The following UGCG variants were observed in gnomAD, a reference collection of about 807,000 sequenced individuals.
UGCG encodes ceramide glucosyltransferase.
UGCG carries 10 observed loss-of-function variants against 49.5 expected under a neutral mutation model. The observed-to-expected ratio is 0.20, with a 90% confidence interval of 0.12 to 0.34. UGCG has a LOEUF of 0.34. Among genes scored for constraint, UGCG ranks in the 10% least tolerant of loss-of-function variants. The pLI is 1.00. For synonymous variants in UGCG, 182 were observed against 158.2 expected (o/e 1.15, Z -1.13); for missense variants, 312 against 483.7 (o/e 0.65, Z 3.33).
intron 2 of UGCG, among the ~76,000 whole-genome samples, chr9:111,917,769 G>C (rs1838135194): frequency 6.6e-6 from 1 of 152,122 alleles, no homozygotes; most frequent in Admixed American, 6.5e-5. Flanking sequence ...CTTTTATACT[G>C]ATACTCATTC....
At chr9:111,926,054 C>G (rs564881823) in intron 4 of UGCG, among the ~76,000 whole-genome samples, 1 of 152,304 alleles carries the variant, frequency 6.6e-6, no homozygotes, top group Non-Finnish European at 1.5e-5. Flanking sequence ...TGCTCCTGAG[C>G]CTTTTCCACT....
intron 2 of UGCG, among the ~76,000 whole-genome samples, chr9:111,918,903 C>T (rs139773026): frequency 0.08 from 11,376 of 142,762 alleles, 826 homozygotes; most frequent in African/African-American, 0.2. Flanking sequence ...CCCGCCTGGG[C>T]GACAGAACGA....
chr9:111,927,109 G>A (rs1838329275), intron 5 of UGCG, among the ~76,000 whole-genome samples: 1 of 151,888 alleles, frequency 6.6e-6, no homozygotes, highest in Non-Finnish European at 1.5e-5. Flanking sequence ...GACCTCAAGT[G>A]ATCTGCCTGC....
In UGCG at chr9:111,897,312, A is replaced by G. The variant is rs1045004614; in HGVS notation, c.97A>G (p.Thr33Ala). Residue 33 changes from threonine to alanine, a missense_variant and splice_region_variant, in exon 1 of 9, where the codon ACC becomes GCC. By Grantham distance (58) the Thr-to-Ala change is moderately conservative. Transcript: ENST00000374279. ...GATGCATTTCATGGCTATCATCTAC[A>G]CGTGAGTGAGGGACCGCAGGAGGGG... is the stretch of plus-strand genomic sequence containing the variant. ...WLMHFMAIIY[T>A]RLHLNKKATD... 1.9e-6 allele frequency: 3 copies of G among 1,553,964 alleles called. No individual in the cohort carries two copies. The African/African-American group carries it at 4.1e-5, about 21-fold the overall frequency.
chr9:111,932,409 C>T (rs773412990), intron 8 of UGCG, 50 bp downstream of exon 8: 4 of 1,519,906 alleles, frequency 2.6e-6, no homozygotes, highest in Admixed American at 2.0e-5. Flanking sequence ...GGAACTAGAA[C>T]TATTTCAATT....
intron 1 of UGCG, among the ~76,000 whole-genome samples, chr9:111,912,039 T>TGC (rs1455316068): frequency 1.4e-5 from 2 of 141,628 alleles, no homozygotes; most frequent in East Asian, 2.0e-4. Flanking sequence ...GATATATATA[T>TGC]ATATATATAT....
intron 3 of UGCG, among the ~76,000 whole-genome samples, chr9:111,924,326 C>T (rs1838279776): frequency 6.6e-6 from 1 of 152,164 alleles, no homozygotes; most frequent in South Asian, 2.1e-4. Context: ...TGCATTACCA[C>T]ACATATTTAT....
At chr9:111,898,702 A>G (rs182127516) in intron 1 of UGCG, among the ~76,000 whole-genome samples, 1,758 of 152,290 alleles carry the variant, frequency 0.012, 42 homozygotes, top group African/African-American at 0.041. Context: ...TAAGGAATTT[A>G]TGCAATAGAG....
intron 1 of UGCG, among the ~76,000 whole-genome samples, chr9:111,898,135 A>G (rs1407361219): frequency 6.6e-6 from 1 of 151,632 alleles, no homozygotes; most frequent in Non-Finnish European, 1.5e-5. Flanking sequence ...GAAGCGTGTA[A>G]GTAAAATAGA....
chr9:111,917,047 A>G (rs1194076767), intron 2 of UGCG, among the ~76,000 whole-genome samples: 1 of 152,162 alleles, frequency 6.6e-6, no homozygotes, highest in Non-Finnish European at 1.5e-5. Context: ...GAATGATCTC[A>G]AGAGCTCTTG....
At chr9:111,932,023 T>TAAA (rs10708488) in intron 7 of UGCG, 147 bp from the exon 8 acceptor site, 49 of 738,054 alleles carry the variant, frequency 6.6e-5, no homozygotes, top group South Asian at 1.5e-4. Context: ...CCGTCTCAAG[T>TAAA]AAAAAAAAAA....
intron 3 of UGCG, among the ~76,000 whole-genome samples, 183 bp downstream of exon 3, chr9:111,923,134 C>G (rs981499346): frequency 8.6e-5 from 13 of 150,868 alleles, no homozygotes; most frequent in Non-Finnish European, 1.5e-4. Context: ...TTTTTCATAT[C>G]TGAGATGAAC....
intron 1 of UGCG, among the ~76,000 whole-genome samples, chr9:111,908,870 C>T (rs1337294192): frequency 6.6e-6 from 1 of 152,072 alleles, no homozygotes; most frequent in Non-Finnish European, 1.5e-5. Context: ...ATAATACTGC[C>T]CCACTTTAAG....
intron 5 of UGCG, among the ~76,000 whole-genome samples, chr9:111,927,063 G>A (rs1221274603): frequency 1.3e-5 from 2 of 151,598 alleles, no homozygotes; most frequent in Non-Finnish European, 2.9e-5. Context: ...TAGAAATGGG[G>A]TTTCACCGTG....
At position 111,933,067 on chromosome 9, in the gene UGCG, T is replaced by TA; in HGVS notation, c.*75dup. On this transcript the variant is annotated 3_prime_UTR_variant, in exon 9 of 9. Coordinates refer to ENST00000374279, the MANE Select transcript of UGCG (RefSeq NM_003358.3). ...TAAATTATGTTTATATAAATGCTTTTAAAAATCTACCTTCTGTAGTTTTAT... is the reference window on the plus strand; with the variant it reads ...TAAATTATGTTTATATAAATGCTTTTAAAAAATCTACCTTCTGTAGTTTTAT... 2 of 1,280,546 alleles carry TA rather than the reference T, an allele frequency of 1.6e-6. No homozygotes were observed. The highest frequency in any genetic ancestry group is 6.0e-5 in the East Asian group (2 of 33,248). The allele number at this position is 1,280,546 out of a possible 1,614,324, so 79.3% of individuals were successfully genotyped here.
chr9:111,932,053 T>G, intron 7 of UGCG, 117 bp from the exon 8 acceptor site: 1 of 1,130,512 alleles, frequency 8.8e-7, no homozygotes, highest in South Asian at 1.6e-5. Flanking sequence ...AAAAAAAGTT[T>G]AAAGAGAATG....
intron 1 of UGCG, among the ~76,000 whole-genome samples, chr9:111,908,396 A>G (rs1276822649): frequency 6.6e-6 from 1 of 152,232 alleles, no homozygotes; most frequent in Non-Finnish European, 1.5e-5. Context: ...GTCTGAAGTC[A>G]GGACAGTGAG....
intron 5 of UGCG, among the ~76,000 whole-genome samples, chr9:111,927,348 A>C (rs925606716): frequency 6.6e-6 from 1 of 152,190 alleles, no homozygotes; most frequent in Non-Finnish European, 1.5e-5. Context: ...AGTAACATCC[A>C]TAGGAAACTA....
At chr9:111,900,015 G>C (rs577725588) in intron 1 of UGCG, among the ~76,000 whole-genome samples, 1 of 152,176 alleles carries the variant, frequency 6.6e-6, no homozygotes, top group South Asian at 2.1e-4. Flanking sequence ...GTAACATTCA[G>C]ATTAGAGACA....
Sources: allele counts gnomAD v4.1 joint callset (sites outside exome capture counted in the v4.1 genomes callset), GRCh38; gene constraint gnomAD v4.1.1; transcripts MANE v1.5; gene names NCBI Gene and HGNC (gene_info 2026-07-23, HGNC 2026-07-21).